Variants in HSPA12B observed in about 807,000 individuals in gnomAD.
HSPA12B encodes the protein heat shock 70 kDa protein 12B.
A neutral mutation model predicts 69.3 loss-of-function variants in HSPA12B; 54 were observed. The ratio of observed to expected loss-of-function variants is 0.78; its 90% confidence interval spans 0.63 to 0.98. HSPA12B has a LOEUF of 0.98. HSPA12B is among the 50% of genes least tolerant of loss of function. HSPA12B has a pLI of 0.00. For missense variants in HSPA12B, 929 were observed against 999.8 expected (o/e 0.93, Z 0.96); for synonymous variants, 441 against 436.5 (o/e 1.01, Z -0.13).
At chr20:3,741,397 C>T (rs538701809) in intron 3 of HSPA12B, among the ~76,000 whole-genome samples, 124 of 151,998 alleles carry the variant, frequency 8.2e-4, no homozygotes, top group African/African-American at 2.7e-3. Flanking sequence ...TTTGGGAGGC[C>T]GAGGTGGGCA....
chr20:3,745,160 G>A lies in HSPA12B; in HGVS notation c.453+72G>A. The A allele has an allele frequency of 1.8e-6, 2 of 1,100,202 alleles. No homozygotes were observed. Among genetic ancestry groups the A allele is most frequent in the Non-Finnish European group, 1.3e-6 (1 of 750,638 alleles). The allele number at this position is 1,100,202 out of a possible 1,614,324, so 68.2% of individuals were successfully genotyped here. On this transcript the variant is annotated intron_variant, in intron 5 of 12. Transcript: ENST00000254963. The surrounding 1 kb of genome is among the most constrained non-coding windows in gnomAD (Gnocchi z 5.6). ...GGGCAGGGCTAATGGGGGTGGGTGG[G>A]ACAAAACCAAAACGTGTGAGGACCG...
chr20:3,735,864 C>T (rs2088101050), intron 1 of HSPA12B, among the ~76,000 whole-genome samples: 1 of 152,120 alleles, frequency 6.6e-6, no homozygotes, highest in Admixed American at 6.6e-5. Context: ...AGTGGTTCCC[C>T]AGTGCTTAGC....
rs779468466 is a variant in HSPA12B at position 3,748,373 on chromosome 20, G to A, written c.832G>A (p.Asp278Asn). The A allele has an allele frequency of 7.5e-6, 12 of 1,599,460 alleles. No individual in the cohort carries two copies. The Admixed American group carries it at 8.6e-5, about 11-fold the overall frequency. Reference sequence around the variant, plus strand: ...GCGCCTGGGTGAGCGCCGCTCCATCGACTCCAGCTTCCGTCAGGGTGAGCT... The same window carrying A: ...GCGCCTGGGTGAGCGCCGCTCCATCAACTCCAGCTTCCGTCAGGGTGAGCT... ...GGRLGERRSI[D>N]SSFRQAREQL... Residue 278 changes from aspartate (D) to asparagine (N), a missense_variant, in exon 8 of 13, where the codon GAC (aspartate) becomes AAC (asparagine). Transcript: ENST00000254963.
Position 3,751,566 on chromosome 20 carries a change from C to A in HSPA12B, c.1461C>A (p.Gly487=). The A allele has an allele frequency of 1.3e-6, 2 of 1,493,974 alleles. No homozygotes were observed. The highest frequency in any genetic ancestry group is 1.8e-6 in the Non-Finnish European group (2 of 1,123,996). The allele number at this position is 1,493,974 out of a possible 1,614,324, so 92.5% of individuals were successfully genotyped here. Residue 487 remains glycine, a synonymous_variant, in exon 13 of 13, where the codon GGC becomes GGA. Coordinates refer to ENST00000254963, the MANE Select transcript of HSPA12B (RefSeq NM_052970.5). The part of the protein sequence containing the change: ...VQGVKLLFLV[G]GFAESAVLQH... ...GTGTGAAGCTGCTGTTCCTAGTGGGCGGCTTCGCCGAGTCAGCGGTGCTGC... is the reference window on the plus strand; with the variant it reads ...GTGTGAAGCTGCTGTTCCTAGTGGGAGGCTTCGCCGAGTCAGCGGTGCTGC...
chr20:3,748,398 T>C lies in HSPA12B; in HGVS notation c.850+7T>C, dbSNP rs770528229. 6 of 1,579,704 alleles carry C rather than the reference T, an allele frequency of 3.8e-6. No individual in the cohort carries two copies. The South Asian group carries it at 6.9e-5, about 18-fold the overall frequency. ...GACTCCAGCTTCCGTCAGGGTGAGCTGCCCCCGGGGACACCACCCACCCCT... is the reference window on the plus strand; with the variant it reads ...GACTCCAGCTTCCGTCAGGGTGAGCCGCCCCCGGGGACACCACCCACCCCT... On this transcript the variant is annotated splice_region_variant and intron_variant, in intron 8 of 12. Coordinates refer to ENST00000254963, the MANE Select transcript of HSPA12B (RefSeq NM_052970.5).
At chr20:3,742,461 T>G in intron 4 of HSPA12B, 53 bp downstream of exon 4, 3 of 1,417,268 alleles carry the variant, frequency 2.1e-6, no homozygotes, top group Non-Finnish European at 3.0e-6. Context: ...GAGTTCCTCA[T>G]ACCTTGGTCC....
chr20:3,744,867 G>C lies in HSPA12B; in HGVS notation c.267-35G>C. On this transcript the variant is annotated intron_variant, in intron 4 of 12. Coordinates refer to ENST00000254963, the MANE Select transcript of HSPA12B (RefSeq NM_052970.5). The surrounding 1 kb of genome is among the most constrained non-coding windows in gnomAD (Gnocchi z 4.9). Reference sequence around the variant, plus strand: ...CTCTGCCTGGATTCCCACCCAAGAAGGGAGGGTTGCACTGACTGCCCTGTG... The same window carrying C: ...CTCTGCCTGGATTCCCACCCAAGAACGGAGGGTTGCACTGACTGCCCTGTG... 1 of 1,595,446 alleles carries C rather than the reference G, an allele frequency of 6.3e-7. No individual in the cohort carries two copies. The highest frequency in any genetic ancestry group is 8.5e-7 in the Non-Finnish European group (1 of 1,170,970).
intron 4 of HSPA12B, among the ~76,000 whole-genome samples, chr20:3,743,080 T>G (rs1211475541): frequency 1.3e-5 from 2 of 151,088 alleles, no homozygotes; most frequent in African/African-American, 4.9e-5. Context: ...GAGACGGGGT[T>G]TCACCGTGTT....
rs61734308 is a variant in HSPA12B at position 3,746,017 on chromosome 20, G to A, written c.661G>A (p.Glu221Lys). 9.8e-3 allele frequency: 15,789 copies of A among 1,613,750 alleles called. 95 individuals are homozygous for A. The highest frequency in any genetic ancestry group is 0.012 in the Non-Finnish European group (14,179 of 1,179,746). Residue 221 changes from glutamate (E) to lysine (K), a missense_variant, in exon 7 of 13, where the codon GAG becomes AAG. Glu to Lys is a moderately conservative substitution (Grantham distance 56, BLOSUM62 1). This residue lies in a region of HSPA12B where 477 missense variants were observed against 535.2 expected (regional missense o/e 0.89). Transcript: ENST00000254963. ...ACAGCCAGCCAAGCAGTTCATGCGGGAGGCTGCCTACCTGGTGAGGACGTG... is the reference window on the plus strand; with the variant it reads ...ACAGCCAGCCAAGCAGTTCATGCGGAAGGCTGCCTACCTGGTGAGGACGTG... Reference protein sequence around the residue: ...WKQPAKQFMREAAYLAGLVSR... With the variant: ...WKQPAKQFMRKAAYLAGLVSR...
At chr20:3,733,224 G>C (rs147412136) in intron 1 of HSPA12B, among the ~76,000 whole-genome samples, 46 of 152,302 alleles carry the variant, frequency 3.0e-4, no homozygotes, top group Non-Finnish European at 5.9e-4. Context: ...AAGCGCAACA[G>C]AGTACTGAGT....
In HSPA12B at chr20:3,747,499, A is replaced by C. The variant is rs79076537; in HGVS notation, c.676-718A>C. On this transcript the variant is annotated intron_variant, in intron 7 of 12. Transcript: ENST00000254963. ...GCTCAGGAAAGTCTGGCCCTGGGTA[A>C]AAGTCTCCATTCACACCCTTATCCC... Among the ~76,000 whole-genome samples, 1,351 of 152,254 alleles carry C rather than the reference A, an allele frequency of 8.9e-3. 19 individuals carry two copies. Among genetic ancestry groups the C allele is most frequent in the African/African-American group, 0.031 (1,273 of 41,520 alleles).
rs563451249 is a variant in HSPA12B at position 3,747,791 on chromosome 20, C to T, written c.676-426C>T. 2.3e-3 allele frequency among the ~76,000 whole-genome samples: 343 copies of T among 152,344 alleles called. 1 individual carries two copies. The highest frequency in any genetic ancestry group is 3.9e-3 in the Non-Finnish European group (262 of 68,028). ...GGTTCAATGAGCTAAAAGGGCTCCC[C>T]ACCACCTCCTCTGAGCCATCACACA... On this transcript the variant is annotated intron_variant, in intron 7 of 12. Transcript: ENST00000254963.
Position 3,751,492 on chromosome 20 carries a change from C to A in HSPA12B, c.1406-19C>A. 1 of 1,394,886 alleles carries A rather than the reference C, an allele frequency of 7.2e-7. No homozygotes were observed. The highest frequency in any genetic ancestry group is 9.3e-7 in the Non-Finnish European group (1 of 1,076,714). The allele number at this position is 1,394,886 out of a possible 1,614,324, so 86.4% of individuals were successfully genotyped here. A position where few individuals can be genotyped will look rare whatever the true frequency, so the allele number is the denominator to read the frequency against. On this transcript the variant is annotated intron_variant, in intron 12 of 12. Transcript: ENST00000254963. ...CTCCTCTGCCCCCTTCACCCGCGTC[C>A]CCCCGTCCTGTCCCGCAGAGGCCCT...
At chr20:3,751,489 G>A in intron 12 of HSPA12B, 22 bp from the exon 13 acceptor site, 2 of 1,377,764 alleles carry the variant, frequency 1.5e-6, no homozygotes, top group Non-Finnish European at 1.9e-6. Context: ...CTTCACCCGC[G>A]TCCCCCCGTC....
At chr20:3,743,166 G>GT (rs2088235871) in intron 4 of HSPA12B, among the ~76,000 whole-genome samples, 1 of 119,686 alleles carries the variant, frequency 8.4e-6, no homozygotes, top group Admixed American at 1.0e-4. Flanking sequence ...GATTACAGAT[G>GT]TGAGCCACCA....
intron 2 of HSPA12B, 57 bp downstream of exon 2, chr20:3,738,774 G>C (rs2056686346): frequency 6.3e-7 from 1 of 1,580,724 alleles, no homozygotes; most frequent in South Asian, 1.1e-5. Context: ...AGCAGGCACT[G>C]AGACCCACCT....
rs2088423954 is a variant in HSPA12B, at chr20:3,751,649, A to G, written c.1544A>G (p.Asp515Gly). 2.6e-6 allele frequency: 4 copies of G among 1,523,642 alleles called. No homozygotes were observed. Among genetic ancestry groups the G allele is most frequent in the Non-Finnish European group, 3.5e-6 (4 of 1,139,932 alleles). 94.4% of individuals were successfully genotyped at this position (1,523,642 alleles called of 1,614,324 possible). ...ARGLRVVVPH[D>G]VGLTILKGAV... The stretch of plus-strand genomic sequence containing the variant: ...GGTCTGCGTGTCGTGGTCCCGCACG[A>G]CGTGGGCCTCACCATCCTCAAAGGC... The change falls in exon 13 of 13, where the codon GAC becomes GGC. Residue 515 changes from aspartate to glycine, a missense_variant. Around this residue, in one of 3 missense-constraint regions of HSPA12B, gnomAD observed 448 missense variants for 448.1 expected, o/e 1.00. Coordinates refer to ENST00000254963, the MANE Select transcript of HSPA12B (RefSeq NM_052970.5).
rs375725643 is a variant in HSPA12B, at chr20:3,750,087, G to C, written c.1161G>C (p.Leu387=). 1 of 1,612,106 alleles carries C rather than the reference G, an allele frequency of 6.2e-7. No homozygotes were observed. The highest frequency in any genetic ancestry group is 8.5e-7 in the Non-Finnish European group (1 of 1,179,620). Residue 387 remains leucine, a synonymous_variant, in exon 11 of 13, where the codon CTG becomes CTC. Coordinates refer to ENST00000254963, the MANE Select transcript of HSPA12B (RefSeq NM_052970.5). ...KRQRPAAWVD[L]TIAFEARKRT... is the part of the protein sequence containing the mutation. ...AACGGCCGGCAGCCTGGGTAGATCT[G>C]ACCATCGCCTTCGAGGCTCGCAAGC...
intron 1 of HSPA12B, among the ~76,000 whole-genome samples, chr20:3,733,805 G>C (rs1216208304): frequency 6.6e-6 from 1 of 152,238 alleles, no homozygotes; most frequent in Non-Finnish European, 1.5e-5. Flanking sequence ...GGGCTGGCTG[G>C]GTGCTGAGCA....
Sources: gnomAD v4.1 joint callset for allele counts (sites outside exome capture counted in the v4.1 genomes callset) on GRCh38, gnomAD v4.1.1 for gene constraint, gnomAD v4.1.1 regional missense constraint, Gnocchi (gnomAD v3.1) non-coding constraint, MANE v1.5 for transcripts, NCBI Gene and HGNC (gene_info 2026-07-23, HGNC 2026-07-21) for gene names.